Variants in JHY observed in about 807,000 individuals in gnomAD.
The protein encoded by JHY is junctional cadherin complex regulator.
In JHY, 69 loss-of-function variants were observed where a neutral mutation model predicts 78.0. The ratio of observed to expected loss-of-function variants is 0.88; its 90% CI spans 0.73 to 1.08. JHY has a LOEUF of 1.08. Ranked by LOEUF, JHY falls within the 50% of genes least tolerant of loss-of-function variation. The probability of loss-of-function intolerance (pLI) is 0.00; values close to 1 mark genes in which losing one functional copy is unlikely to be tolerated. For synonymous variants in JHY, 368 were observed against 342.6 expected (o/e 1.07, Z -0.82); for missense variants, 944 against 927.8 (o/e 1.02, Z -0.23).
chr11:122,934,583 C>A lies in JHY; in HGVS notation c.1142C>A (p.Thr381Lys), dbSNP rs200668253. The A allele has an allele frequency of 6.2e-7, 1 of 1,614,070 alleles. No individual in the cohort carries two copies. Among genetic ancestry groups the A allele is most frequent in the Non-Finnish European group, 8.5e-7 (1 of 1,180,006 alleles). The change falls in exon 5 of 9, where the codon ACG becomes AAG. Residue 381 changes from threonine (T) to lysine (K), a missense_variant. Transcript: ENST00000227349. ...KHQNGLKSSTTEEVTASQGNQ... is the reference protein window; with the variant it reads ...KHQNGLKSSTKEEVTASQGNQ... ...CAGAATGGCCTGAAGTCTTCCACAA[C>A]GGAAGAGGTGACTGCCAGTCAGGGG...
Position 122,885,873 on chromosome 11 carries a change from C to G in JHY, c.24C>G (p.Pro8=). The part of the protein sequence containing the change: MSKRKLI[P]KLSIQSPVLH... ...AGATGAGTAAACGTAAACTAATTCC[C>G]AAGCTCTCTATTCAATCTCCTGTCC... The change falls in exon 2 of 9, where the codon CCC becomes CCG. Residue 8 remains proline (P), a synonymous_variant. Coordinates refer to ENST00000227349, the MANE Select transcript of JHY (RefSeq NM_024806.4). 1 of 1,610,326 alleles carries G rather than the reference C, an allele frequency of 6.2e-7. No individual in the cohort carries two copies. The highest frequency in any genetic ancestry group is 1.1e-5 in the South Asian group (1 of 90,788).
At chr11:122,914,531 G>A (rs563211445) in intron 3 of JHY, among the ~76,000 whole-genome samples, 17 of 152,074 alleles carry the variant, frequency 1.1e-4, no homozygotes, top group African/African-American at 4.1e-4. Context: ...TGCAACTTCC[G>A]CTTCCCTGGT....
Position 122,905,392 on chromosome 11 carries a change from A to G in JHY, c.864+948A>G, listed in dbSNP as rs1350610816. 5.4e-6 allele frequency: 8 copies of G among 1,474,622 alleles called. No individual in the cohort carries two copies. The African/African-American group carries it at 9.8e-5, about 18-fold the overall frequency. 91.3% of individuals were successfully genotyped at this position (1,474,622 alleles called of 1,614,324 possible). A position where few individuals can be genotyped will look rare whatever the true frequency, so the allele number is the denominator to read the frequency against. On this transcript the variant is annotated intron_variant, in intron 3 of 8. Transcript: ENST00000227349. ...ACCTGCTAATGTGAGGTCATTTTCAAATACAAAGGAGAGGTTATTATGTTA... is the reference window on the plus strand; with the variant it reads ...ACCTGCTAATGTGAGGTCATTTTCAGATACAAAGGAGAGGTTATTATGTTA...
In JHY at chr11:122,935,021, A is replaced by G. The variant is rs774076016; in HGVS notation, c.1580A>G (p.Lys527Arg). Residue 527 changes from lysine to arginine, a missense_variant, in exon 5 of 9, where the codon AAA (lysine) becomes AGA (arginine). Coordinates refer to ENST00000227349, the MANE Select transcript of JHY (RefSeq NM_024806.4). This position sits in a 1 kb window ranked among gnomAD's most constrained non-coding sequence, Gnocchi z 4.5. ...INTHGSTKNK[K>R]QLKQPYTETK... is the part of the protein sequence containing the mutation. Reference sequence around the variant, plus strand: ...ACTCATGGATCAACCAAAAATAAGAAACAACTCAAACAGCCTTATACAGAG... The same window carrying G: ...ACTCATGGATCAACCAAAAATAAGAGACAACTCAAACAGCCTTATACAGAG... 3 of 1,609,120 alleles carry G rather than the reference A, an allele frequency of 1.9e-6. No homozygotes were observed. Among genetic ancestry groups the G allele is most frequent in the Non-Finnish European group, 2.5e-6 (3 of 1,178,782 alleles).
intron 6 of JHY, among the ~76,000 whole-genome samples, chr11:122,948,255 A>G (rs978788039): frequency 1.3e-4 from 20 of 151,802 alleles, no homozygotes; most frequent in African/African-American, 4.8e-4. Context: ...ACCAGCTTGG[A>G]CAACATGGTG....
At position 122,906,837 on chromosome 11, in the gene JHY, T is replaced by C. The variant is rs536865922; in HGVS notation, c.864+2393T>C. Among the ~76,000 whole-genome samples the C allele has an allele frequency of 2.0e-5, 3 of 152,352 alleles. No homozygotes were observed. The East Asian group carries it at 5.8e-4, about 29-fold the overall frequency. On this transcript the variant is annotated intron_variant, in intron 3 of 8. Transcript: ENST00000227349. ...ATGGAGGAAACTTTCTTTAAGCTCT[T>C]ATATTACTCTCTGAAGGGGCCATTG...
chr11:122,934,365 A>C (rs1820972665), intron 4 of JHY, 55 bp from the exon 5 acceptor site: 5 of 898,960 alleles, frequency 5.6e-6, no homozygotes, highest in Middle Eastern at 3.6e-4. Context: ...ATAAAATAAA[A>C]TTTGTGAAGA....
chr11:122,961,179 A>G lies in JHY; in HGVS notation c.*1734A>G. Reference sequence around the variant, plus strand: ...GCAAAATCTTTCTGTATTGCCCTCTACTGAAGTAGATAGTTTATATCTCCT... The same window carrying G: ...GCAAAATCTTTCTGTATTGCCCTCTGCTGAAGTAGATAGTTTATATCTCCT... On this transcript the variant is annotated 3_prime_UTR_variant, in exon 9 of 9. Transcript: ENST00000227349. 1 of 531,748 alleles carries G rather than the reference A, an allele frequency of 1.9e-6. No homozygotes were observed. The allele number at this position is 531,748 out of a possible 1,614,324, so 32.9% of individuals were successfully genotyped here.
Position 122,959,232 on chromosome 11 carries a change from A to T in JHY, c.2140-16A>T. ...CACTTCCCATTTCAAATAAAATTTCATCTTTATGCGTTTAGGCTTTGGAAT... is the reference window on the plus strand; with the variant it reads ...CACTTCCCATTTCAAATAAAATTTCTTCTTTATGCGTTTAGGCTTTGGAAT... On this transcript the variant is annotated splice_polypyrimidine_tract_variant and intron_variant, in intron 8 of 8. Coordinates refer to ENST00000227349, the MANE Select transcript of JHY (RefSeq NM_024806.4). 1.3e-6 allele frequency: 2 copies of T among 1,594,952 alleles called. No individual in the cohort carries two copies. The highest frequency in any genetic ancestry group is 1.7e-6 in the Non-Finnish European group (2 of 1,173,188).
intron 5 of JHY, among the ~76,000 whole-genome samples, chr11:122,937,767 C>T (rs1179750742): frequency 6.6e-6 from 1 of 152,120 alleles, no homozygotes; most frequent in South Asian, 2.1e-4. Context: ...TTTCCATCCC[C>T]GTTCTCTTTC....
chr11:122,894,549 T>C (rs1385969448), intron 2 of JHY, among the ~76,000 whole-genome samples: 1 of 152,264 alleles, frequency 6.6e-6, no homozygotes, highest in Non-Finnish European at 1.5e-5. Context: ...TACTGTGTCA[T>C]ACAGCATTTC....
Position 122,959,267 on chromosome 11 carries a change from C to T in JHY, c.2159C>T (p.Thr720Ile). The T allele has an allele frequency of 1.9e-6, 3 of 1,614,084 alleles. No homozygotes were observed. The highest frequency in any genetic ancestry group is 1.3e-5 in the African/African-American group (1 of 75,010). The change falls in exon 9 of 9, where the codon ACC becomes ATC. Residue 720 changes from threonine (T) to isoleucine (I), a missense_variant. Thr to Ile is a moderately conservative substitution (Grantham distance 89, BLOSUM62 -1). Coordinates refer to ENST00000227349, the MANE Select transcript of JHY (RefSeq NM_024806.4). ...PRQKALEYAK[T>I]IPKPKPSNLT... ...GTTTAGGCTTTGGAATACGCTAAGA[C>T]CATCCCCAAACCCAAACCATCAAAT...
Position 122,885,816 on chromosome 11 carries a change from G to T in JHY, c.-34G>T, listed in dbSNP as rs201130374. 42 of 1,513,200 alleles carry T rather than the reference G, an allele frequency of 2.8e-5. No individual in the cohort carries two copies. In the East Asian group the frequency reaches 7.9e-4, roughly 29 times the overall value. 93.7% of individuals were successfully genotyped at this position (1,513,200 alleles called of 1,614,324 possible). A position where few individuals can be genotyped will look rare whatever the true frequency, so the allele number is the denominator to read the frequency against. On this transcript the variant is annotated 5_prime_UTR_variant, in exon 2 of 9. Transcript: ENST00000227349. The stretch of plus-strand genomic sequence containing the variant: ...ATCAGCCAGCTGCTCCTATCAACAC[G>T]AGTATCCCCTGTTAATTTTTTGCAT...
chr11:122,930,126 G>A (rs1279573149), intron 4 of JHY, among the ~76,000 whole-genome samples: 1 of 152,300 alleles, frequency 6.6e-6, no homozygotes. Context: ...TATCACCCAG[G>A]ATGGAGTACA....
intron 2 of JHY, 64 bp downstream of exon 2, chr11:122,886,257 C>G (rs957213326): frequency 4.1e-6 from 6 of 1,458,784 alleles, no homozygotes; most frequent in South Asian, 1.4e-5. Context: ...TAATTACTGT[C>G]GTCATTCCAA....
chr11:122,957,581 C>A, intron 8 of JHY, 90 bp downstream of exon 8: 12 of 1,264,336 alleles, frequency 9.5e-6, no homozygotes, highest in South Asian at 1.5e-5. Context: ...TTTAATTAGC[C>A]ACAGAGTCTT....
At chr11:122,938,401 A>AT (rs77392464) in intron 5 of JHY, among the ~76,000 whole-genome samples, 57,566 of 151,454 alleles carry the variant, frequency 0.38, 11,393 homozygotes, top group African/African-American at 0.43. Context: ...TTCCGACAGG[A>AT]TTTTTTTGTT....
At chr11:122,954,362 T>C (rs913210175) in intron 6 of JHY, among the ~76,000 whole-genome samples, 1 of 152,218 alleles carries the variant, frequency 6.6e-6, no homozygotes, top group East Asian at 1.9e-4. Context: ...AATGTTTGTC[T>C]TTTGAACATC....
intron 6 of JHY, among the ~76,000 whole-genome samples, chr11:122,951,235 T>A (rs1031090575): frequency 6.6e-6 from 1 of 152,192 alleles, no homozygotes; most frequent in Non-Finnish European, 1.5e-5. Flanking sequence ...GAGTTCCGAA[T>A]GCCAGGCATT....
Sources: allele counts gnomAD v4.1 joint callset (sites outside exome capture counted in the v4.1 genomes callset), GRCh38; gene constraint gnomAD v4.1.1; non-coding constraint Gnocchi (gnomAD v3.1); transcripts MANE v1.5; gene names NCBI Gene and HGNC (gene_info 2026-07-23, HGNC 2026-07-21).